The following PLEKHG4B variants were observed in gnomAD, a reference collection of about 807,000 sequenced individuals.
PLEKHG4B encodes pleckstrin homology domain-containing family G member 4B.
PLEKHG4B carries 111 observed loss-of-function variants against 121.3 expected under a neutral mutation model. The observed-to-expected ratio is 0.92, with a 90% CI of 0.78 to 1.07. PLEKHG4B has a LOEUF of 1.07. PLEKHG4B is among the 50% of genes least tolerant of loss of function. The pLI is 0.00. For synonymous variants in PLEKHG4B, 738 were observed against 725.0 expected (o/e 1.02, Z -0.29); for missense variants, 1,831 against 1,757.8 (o/e 1.04, Z -0.74).
At position 156,791 on chromosome 5, in the gene PLEKHG4B, C is replaced by T. The variant is rs1735797159; in HGVS notation, c.2367C>T (p.Ala789=). The T allele has an allele frequency of 1.3e-6, 2 of 1,562,928 alleles. No individual in the cohort carries two copies. The highest frequency in any genetic ancestry group is 1.7e-6 in the Non-Finnish European group (2 of 1,154,062). Reference sequence around the variant, plus strand: ...TCCTCAGGGACACCCTGGAGGCCGCCACAAGCCTGTACGACCGAGTGGATG... The same window carrying T: ...TCCTCAGGGACACCCTGGAGGCCGCTACAAGCCTGTACGACCGAGTGGATG... ...TEDSRDTLEA[A]TSLYDRVDEE... Residue 789 remains alanine, a synonymous_variant, in exon 11 of 20, where the codon GCC becomes GCT. Transcript: ENST00000637938. This position sits in a 1 kb window ranked among gnomAD's most constrained non-coding sequence, Gnocchi z 4.4.
At position 139,399 on chromosome 5, in the gene PLEKHG4B, C is replaced by G. The variant is rs567096606; in HGVS notation, c.244-84C>G. ...TTGTGGGAGCTCAGTCACTGACCTTCCCCTGAGGGGTGGAGACCCAGGGCA... is the reference window on the plus strand; with the variant it reads ...TTGTGGGAGCTCAGTCACTGACCTTGCCCTGAGGGGTGGAGACCCAGGGCA... On this transcript the variant is annotated intron_variant, in intron 2 of 19. Coordinates refer to ENST00000637938, the MANE Select transcript of PLEKHG4B (RefSeq NM_052909.5). This position sits in a 1 kb window ranked among gnomAD's most constrained non-coding sequence, Gnocchi z 5.0. 2.5e-6 allele frequency: 1 copy of G among 398,748 alleles called. No individual in the cohort carries two copies. Among genetic ancestry groups the G allele is most frequent in the Admixed American group, 4.4e-5 (1 of 22,738 alleles). 24.7% of individuals were successfully genotyped at this position (398,748 alleles called of 1,614,324 possible).
At chr5:133,438 G>GA (rs907688511) in intron 2 of PLEKHG4B, among the ~76,000 whole-genome samples, 27 of 148,952 alleles carry the variant, frequency 1.8e-4, no homozygotes, top group African/African-American at 3.0e-4. Flanking sequence ...AAATCAGCAA[G>GA]AAAAAAAAAC....
At chr5:134,093 ATAT>A (rs1376839499) in intron 2 of PLEKHG4B, among the ~76,000 whole-genome samples, 1 of 113,654 alleles carries the variant, frequency 8.8e-6, no homozygotes, top group East Asian at 2.6e-4. Flanking sequence ...ATATATATAT[ATAT>A]ATATATATAT....
At chr5:118,840 C>G (rs1207202487) in intron 2 of PLEKHG4B, among the ~76,000 whole-genome samples, 1 of 111,106 alleles carries the variant, frequency 9.0e-6, no homozygotes, top group African/African-American at 3.6e-5. Context: ...AGCCCACATT[C>G]TTCTCCTCCT....
At chr5:166,287 G>C (rs1579317133) in intron 13 of PLEKHG4B, among the ~76,000 whole-genome samples, 1 of 50,938 alleles carries the variant, frequency 2.0e-5, no homozygotes, top group Admixed American at 1.5e-4. Flanking sequence ...TGCTCTGACG[G>C]GGCGGGGCTC....
intron 1 of PLEKHG4B, among the ~76,000 whole-genome samples, chr5:97,138 C>T (rs569126211): frequency 2.0e-5 from 3 of 150,608 alleles, no homozygotes; most frequent in South Asian, 2.1e-4. Context: ...GGCTTCAGAT[C>T]GTTTTCCTCA....
At chr5:134,061 ATATATATATGATAGAATAT>A (rs1734862982) in intron 2 of PLEKHG4B, among the ~76,000 whole-genome samples, 1 of 123,474 alleles carries the variant, frequency 8.1e-6, no homozygotes, top group African/African-American at 3.1e-5. Context: ...ATGATAGAAT[ATATATATATGATAGAATAT>A]ATATATATAT....
chr5:183,991 C>CGATCGATCGATAGATAGATA lies in PLEKHG4B; in HGVS notation c.*1671_*1672insCGATCGATAGATAGATAGAT, dbSNP rs1292159443. The CGATCGATCGATAGATAGATA allele has an allele frequency of 2.3e-3, 242 of 104,704 alleles. No homozygotes were observed. The highest frequency in any genetic ancestry group is 4.2e-3 in the Middle Eastern group (1 of 240). The allele number at this position is 104,704 out of a possible 1,614,324, so 6.5% of individuals were successfully genotyped here. ...CAGACAGATAGATAGATAGATAGAT[C>CGATCGATCGATAGATAGATA]GATAGATAGATAGATAGATAGATAG... is the stretch of plus-strand genomic sequence containing the variant. On this transcript the variant is annotated 3_prime_UTR_variant, in exon 20 of 20. Transcript: ENST00000637938.
At chr5:124,235 C>T (rs1055553629) in intron 2 of PLEKHG4B, among the ~76,000 whole-genome samples, 1 of 151,932 alleles carries the variant, frequency 6.6e-6, no homozygotes, top group Admixed American at 6.6e-5. Context: ...TTAAGTTTAC[C>T]GAGACTTAAT....
chr5:154,490 C>T (rs116120207), intron 7 of PLEKHG4B, among the ~76,000 whole-genome samples: 2,177 of 152,212 alleles, frequency 0.014, 57 homozygotes, highest in African/African-American at 0.049. Flanking sequence ...TGACTTGGCT[C>T]GGCTGCCAGG....
At chr5:154,641 T>C (rs1735710171) in intron 7 of PLEKHG4B, among the ~76,000 whole-genome samples, 1 of 142,910 alleles carries the variant, frequency 7.0e-6, no homozygotes, top group Non-Finnish European at 1.5e-5. Context: ...TTTTTTTTTT[T>C]GGTTTTTCTT....
At chr5:128,790 C>A (rs1734695074) in intron 2 of PLEKHG4B, among the ~76,000 whole-genome samples, 1 of 152,148 alleles carries the variant, frequency 6.6e-6, no homozygotes. Flanking sequence ...ACTGGGATAA[C>A]CATAAAGGGT....
chr5:156,311 C>G lies in PLEKHG4B; in HGVS notation c.2348+101C>G. The G allele has an allele frequency of 8.3e-7, 1 of 1,206,018 alleles. No homozygotes were observed. The highest frequency in any genetic ancestry group is 1.1e-6 in the Non-Finnish European group (1 of 939,916). The allele number at this position is 1,206,018 out of a possible 1,614,324, so 74.7% of individuals were successfully genotyped here. A position where few individuals can be genotyped will look rare whatever the true frequency, so the allele number is the denominator to read the frequency against. ...TAGCGCTCTGCTCCAAGGAGAGCCC[C>G]CTCTGTGCTTGGTCCAGACCTCCAT... On this transcript the variant is annotated intron_variant, in intron 10 of 19. Coordinates refer to ENST00000637938, the MANE Select transcript of PLEKHG4B (RefSeq NM_052909.5). The surrounding 1 kb of genome is among the most constrained non-coding windows in gnomAD (Gnocchi z 4.4).
Position 169,933 on chromosome 5 carries a change from T to C in PLEKHG4B, c.3729+341T>C, listed in dbSNP as rs546057757. Among the ~76,000 whole-genome samples, 5 of 152,272 alleles carry C rather than the reference T, an allele frequency of 3.3e-5. No individual in the cohort carries two copies. In the East Asian group the frequency reaches 7.7e-4, roughly 24 times the overall value. On this transcript the variant is annotated intron_variant, in intron 14 of 19. Transcript: ENST00000637938. ...GCCAGAAGCAGTTCCCAGAATCACC[T>C]TCCGGGGAGAGGCCAGGCCTCACCT...
At position 151,232 on chromosome 5, in the gene PLEKHG4B, G is replaced by A. The variant is rs373394440; in HGVS notation, c.1906-281G>A. Among the ~76,000 whole-genome samples the A allele has an allele frequency of 2.6e-5, 4 of 152,166 alleles. No homozygotes were observed. The South Asian group carries it at 8.3e-4, about 31-fold the overall frequency. ...TTAACAGTTCTTTGTCTTGATGGTG[G>A]TGATGGTTACATGACTATGCTTTCA... On this transcript the variant is annotated intron_variant, in intron 6 of 19. Coordinates refer to ENST00000637938, the MANE Select transcript of PLEKHG4B (RefSeq NM_052909.5).
chr5:164,172 C>T (rs534960534), intron 13 of PLEKHG4B, among the ~76,000 whole-genome samples: 1 of 152,386 alleles, frequency 6.6e-6, no homozygotes, highest in African/African-American at 2.4e-5. Context: ...CAGCAATCCC[C>T]ATCCTTTTTG....
chr5:140,864 C>T, intron 3 of PLEKHG4B, 148 bp downstream of exon 3: 1 of 497,814 alleles, frequency 2.0e-6, no homozygotes, highest in Non-Finnish European at 3.3e-6. Flanking sequence ...ACACCCCCAC[C>T]CTCTCCCCTG....
intron 1 of PLEKHG4B, among the ~76,000 whole-genome samples, chr5:112,786 C>T (rs1734194419): frequency 6.6e-6 from 1 of 152,184 alleles, no homozygotes; most frequent in Non-Finnish European, 1.5e-5. Context: ...CCAGCTTTGT[C>T]CTCCCCACAA....
intron 2 of PLEKHG4B, among the ~76,000 whole-genome samples, chr5:135,682 AATATATATAT>A (rs70955207): frequency 2.4e-3 from 47 of 19,588 alleles, no homozygotes; most frequent in African/African-American, 4.5e-3. Context: ...AAAAAAAAAA[AATATATATAT>A]ATATATATAT....
Sources: gnomAD v4.1 joint callset for allele counts (sites outside exome capture counted in the v4.1 genomes callset) on GRCh38, gnomAD v4.1.1 for gene constraint, Gnocchi (gnomAD v3.1) non-coding constraint, MANE v1.5 for transcripts, NCBI Gene and HGNC (gene_info 2026-07-23, HGNC 2026-07-21) for gene names.